Variants in CHRM3 observed in about 807,000 individuals in gnomAD.
CHRM3 encodes cholinergic receptor muscarinic 3.
In CHRM3, 11 loss-of-function variants were observed where a neutral mutation model predicts 41.8. That is an observed-to-expected ratio of 0.26 (90% CI 0.17 to 0.44). The LOEUF (loss-of-function observed/expected upper bound fraction) is 0.44. Among genes scored for constraint, CHRM3 ranks in the 20% least tolerant of loss-of-function variants. The pLI, the probability that CHRM3 is intolerant of heterozygous loss-of-function variation, is 1.00. For missense variants in CHRM3, 571 were observed against 745.4 expected (o/e 0.77, Z 2.72); for synonymous variants, 297 against 301.4 (o/e 0.99, Z 0.15).
At chr1:239,806,973 T>C (rs780930586) in intron 5 of CHRM3, among the ~76,000 whole-genome samples, 3 of 152,202 alleles carry the variant, frequency 2.0e-5, no homozygotes, top group Non-Finnish European at 4.4e-5. Context: ...AGCCAGAGAA[T>C]ATTCTACTTG....
chr1:239,445,264 A>T (rs1382687795), intron 1 of CHRM3, among the ~76,000 whole-genome samples: 2 of 152,204 alleles, frequency 1.3e-5, no homozygotes, highest in African/African-American at 4.8e-5. Flanking sequence ...TCATACCAGG[A>T]GCCAGGTGTT....
chr1:239,870,916 G>A (rs1166885202), intron 6 of CHRM3, among the ~76,000 whole-genome samples: 1 of 152,004 alleles, frequency 6.6e-6, no homozygotes, highest in African/African-American at 2.4e-5. Flanking sequence ...CAAACTAGCA[G>A]GGATTAAAAA....
At chr1:239,499,604 C>T (rs753440958) in intron 2 of CHRM3, among the ~76,000 whole-genome samples, 14 of 152,086 alleles carry the variant, frequency 9.2e-5, no homozygotes, top group African/African-American at 2.4e-4. Flanking sequence ...TTCTTGAACT[C>T]GGTGCCACCA....
chr1:239,413,143 G>A (rs533350852), intron 1 of CHRM3, among the ~76,000 whole-genome samples: 1 of 152,028 alleles, frequency 6.6e-6, no homozygotes, highest in African/African-American at 2.4e-5. Flanking sequence ...AAGAGAGAAG[G>A]ATGCTCCCTT....
chr1:239,738,539 G>A (rs182609088), intron 5 of CHRM3, among the ~76,000 whole-genome samples: 140 of 152,288 alleles, frequency 9.2e-4, no homozygotes, highest in South Asian at 9.1e-3. Flanking sequence ...AGGGCAGTCA[G>A]AAAACAGTGC....
chr1:239,421,274 C>A (rs577232359), intron 1 of CHRM3, among the ~76,000 whole-genome samples: 2 of 152,134 alleles, frequency 1.3e-5, no homozygotes. Flanking sequence ...GTTGAGTAAG[C>A]AGGTATCTTG....
intron 6 of CHRM3, among the ~76,000 whole-genome samples, chr1:239,906,064 T>C: frequency 6.6e-6 from 1 of 152,198 alleles, no homozygotes; most frequent in East Asian, 1.9e-4. Flanking sequence ...AAACTTGGAC[T>C]CAAAGAAGTT....
At chr1:239,783,786 G>A (rs994472900) in intron 5 of CHRM3, among the ~76,000 whole-genome samples, 7 of 152,072 alleles carry the variant, frequency 4.6e-5, no homozygotes, top group African/African-American at 1.7e-4. Context: ...GCTGAGGTTT[G>A]GGGTACAAAT....
chr1:239,648,229 T>C (rs922539764), intron 4 of CHRM3, among the ~76,000 whole-genome samples: 1 of 152,184 alleles, frequency 6.6e-6, no homozygotes, highest in Non-Finnish European at 1.5e-5. Context: ...TTACCTTTAA[T>C]AGTTTTCACT....
chr1:239,500,474 G>C (rs1668160593), intron 2 of CHRM3, among the ~76,000 whole-genome samples: 1 of 151,374 alleles, frequency 6.6e-6, no homozygotes, highest in African/African-American at 2.4e-5. Flanking sequence ...TATGGGGTGG[G>C]GGGATGGGGG....
At chr1:239,870,418 A>G (rs1373290186) in intron 6 of CHRM3, among the ~76,000 whole-genome samples, 1 of 152,154 alleles carries the variant, frequency 6.6e-6, no homozygotes, top group African/African-American at 2.4e-5. Flanking sequence ...ATAAGGATTA[A>G]TGTTTGTTGA....
chr1:239,564,981 G>T (rs1027920504), intron 3 of CHRM3, among the ~76,000 whole-genome samples: 3 of 152,170 alleles, frequency 2.0e-5, no homozygotes, highest in African/African-American at 7.2e-5. Context: ...CTCCAGGGGA[G>T]AATCCTTTCC....
At chr1:239,844,104 G>A (rs1168236874) in intron 6 of CHRM3, among the ~76,000 whole-genome samples, 1 of 151,940 alleles carries the variant, frequency 6.6e-6, no homozygotes, top group African/African-American at 2.4e-5. Flanking sequence ...TTCTCTCTTA[G>A]CAATTTTCAA....
chr1:239,389,476 T>C (rs1190544345), intron 1 of CHRM3, among the ~76,000 whole-genome samples: 1 of 152,152 alleles, frequency 6.6e-6, no homozygotes, highest in East Asian at 1.9e-4. Context: ...TAAAGACAAA[T>C]GATTTAATTT....
intron 1 of CHRM3, among the ~76,000 whole-genome samples, chr1:239,404,094 C>G (rs574965810): frequency 6.7e-6 from 1 of 149,786 alleles, no homozygotes; most frequent in South Asian, 2.1e-4. Context: ...CGAGACCATC[C>G]TGGCTAACAC....
intron 3 of CHRM3, among the ~76,000 whole-genome samples, chr1:239,583,286 T>C (rs1244602021): frequency 6.6e-6 from 1 of 152,252 alleles, no homozygotes; most frequent in Non-Finnish European, 1.5e-5. Context: ...TACAAATGAT[T>C]CATTGAGTGT....
intron 3 of CHRM3, among the ~76,000 whole-genome samples, chr1:239,573,730 T>C (rs536334366): frequency 1.3e-5 from 2 of 152,268 alleles, no homozygotes; most frequent in East Asian, 3.9e-4. Context: ...TGTATTGTTC[T>C]CTTTTAAACA....
intron 3 of CHRM3, among the ~76,000 whole-genome samples, chr1:239,575,655 G>T (rs997733832): frequency 7.9e-5 from 12 of 151,974 alleles, no homozygotes; most frequent in Admixed American, 7.9e-4. Flanking sequence ...AAGGTGTCCA[G>T]GGCAGCACAG....
chr1:239,695,649 A>T (rs1028208905), intron 5 of CHRM3, among the ~76,000 whole-genome samples: 4 of 152,168 alleles, frequency 2.6e-5, no homozygotes, highest in East Asian at 3.9e-4. Context: ...AAGGATTTTT[A>T]AAAATATTAT....
Sources: allele counts gnomAD v4.1 joint callset (sites outside exome capture counted in the v4.1 genomes callset), GRCh38; gene constraint gnomAD v4.1.1; transcripts MANE v1.5; gene names NCBI Gene and HGNC (gene_info 2026-07-23, HGNC 2026-07-21).